MTMR10: variants seen among roughly 807,000 people sequenced by gnomAD.
MTMR10 encodes the protein myotubularin-related protein 10.
In MTMR10, 56 loss-of-function variants were observed where a neutral mutation model predicts 88.1. The ratio of observed to expected loss-of-function variants is 0.64; its 90% CI spans 0.51 to 0.79. MTMR10 has a LOEUF of 0.79. MTMR10 is among the 30% of genes least tolerant of loss of function. The pLI, the probability that MTMR10 is intolerant of heterozygous loss-of-function variation, is 0.00. For synonymous variants in MTMR10, 380 were observed against 340.9 expected (o/e 1.11, Z -1.26); for missense variants, 883 against 924.7 (o/e 0.95, Z 0.58).
intron 6 of MTMR10, among the ~76,000 whole-genome samples, chr15:30,964,802 GACCTTGGCT>G (rs1247233797): frequency 6.6e-6 from 1 of 152,164 alleles, no homozygotes; most frequent in Non-Finnish European, 1.5e-5. Flanking sequence ...ATATGCTCCT[GACCTTGGCT>G]ATCTTCTGTG....
chr15:30,965,633 G>A (rs935789025), intron 6 of MTMR10, among the ~76,000 whole-genome samples: 33 of 152,156 alleles, frequency 2.2e-4, no homozygotes, highest in African/African-American at 8.0e-4. Context: ...ATATCTCCTG[G>A]GGTGTTTGTG....
chr15:30,924,424 G>T, the MTMR10 span, among the ~76,000 whole-genome samples: 1 of 152,162 alleles, frequency 6.6e-6, no homozygotes. Context: ...TTTTCACAGT[G>T]TTTACACCAG....
the MTMR10 span, chr15:30,920,537 C>T: frequency 6.3e-7 from 1 of 1,584,150 alleles, no homozygotes; most frequent in Non-Finnish European, 8.7e-7. Context: ...TATATGTCTT[C>T]ATTTTAGATG....
Position 30,941,020 on chromosome 15 carries a change from CAG to C in MTMR10, c.*448_*449del. 2 of 1,165,796 alleles carry C rather than the reference CAG, an allele frequency of 1.7e-6. No homozygotes were observed. The highest frequency in any genetic ancestry group is 1.1e-6 in the Non-Finnish European group (1 of 932,174). 72.2% of individuals were successfully genotyped at this position (1,165,796 alleles called of 1,614,324 possible). A position where few individuals can be genotyped will look rare whatever the true frequency, so the allele number is the denominator to read the frequency against. On this transcript the variant is annotated 3_prime_UTR_variant, in exon 16 of 16. Transcript: ENST00000435680. ...ATCAGGTGAGTTCAATTAGAGACGA[CAG>C]AAAGTAACCAGAAAAATACATGAAT... is the stretch of plus-strand genomic sequence containing the variant.
intron 11 of MTMR10, among the ~76,000 whole-genome samples, chr15:30,952,809 A>G (rs1423329553): frequency 1.3e-5 from 2 of 151,322 alleles, no homozygotes; most frequent in African/African-American, 4.9e-5. Flanking sequence ...TTTTTTTTTG[A>G]GATGGAGACT....
Position 30,974,405 on chromosome 15 carries a change from T to C in MTMR10, c.383A>G (p.Lys128Arg), listed in dbSNP as rs928862092. 2.5e-6 allele frequency: 4 copies of C among 1,607,582 alleles called. No individual in the cohort carries two copies. The highest frequency in any genetic ancestry group is 3.4e-6 in the Non-Finnish European group (4 of 1,176,050). ...QKVLGPNQKLKFNPTELIIYC... is the reference protein window; with the variant it reads ...QKVLGPNQKLRFNPTELIIYC... ...AATAATTAACTCTGTTGGATTAAAT[T>C]TCAGTTTCTGGTTGGGGCCTAGGAC... The change falls in exon 5 of 16, where the codon AAA becomes AGA. Residue 128 changes from lysine (K) to arginine (R), a missense_variant. By Grantham distance (26) the Lys-to-Arg change is conservative. Around this residue, in one of 3 missense-constraint regions of MTMR10, gnomAD observed 414 missense variants for 423.2 expected, o/e 0.98. Coordinates refer to ENST00000435680, the MANE Select transcript of MTMR10 (RefSeq NM_017762.3).
chr15:30,926,467 GAC>G, the MTMR10 span: 3,139 of 232,380 alleles, frequency 0.014, 94 homozygotes, highest in African/African-American at 0.069. Flanking sequence ...TGAAAATCAG[GAC>G]ATGATTTCAG....
intron 2 of MTMR10, among the ~76,000 whole-genome samples, chr15:30,990,173 TGTGGCAACTAG>T (rs1388231837): frequency 6.6e-6 from 1 of 152,090 alleles, no homozygotes. Flanking sequence ...GGCATTTTGG[TGTGGCAACTAG>T]GTCGCAACTA....
chr15:30,967,861 A>C (rs1323520860), intron 6 of MTMR10, 59 bp downstream of exon 6: 1 of 1,386,258 alleles, frequency 7.2e-7, no homozygotes, highest in Non-Finnish European at 9.9e-7. Context: ...TCCGGTAAAC[A>C]TAAGAGTAAA....
chr15:30,943,858 G>A, intron 14 of MTMR10: 2 of 985,414 alleles, frequency 2.0e-6, no homozygotes, highest in Non-Finnish European at 2.4e-6. Flanking sequence ...TTAGCAATGT[G>A]GAGAAAGGAC....
At chr15:30,963,670 CAGATAGAT>C (rs1324638306) in intron 6 of MTMR10, among the ~76,000 whole-genome samples, 1 of 99,410 alleles carries the variant, frequency 1.0e-5, no homozygotes, top group African/African-American at 2.8e-5. Flanking sequence ...GATAGACAGA[CAGATAGAT>C]AGATAGATAG....
chr15:30,932,716 C>CTTT, the MTMR10 span, among the ~76,000 whole-genome samples: 486 of 134,334 alleles, frequency 3.6e-3, 9 homozygotes, highest in African/African-American at 7.0e-3. Flanking sequence ...TGTTTCTTTT[C>CTTT]TTTTTTTTTT....
At chr15:30,942,734 A>G in intron 15 of MTMR10, 156 bp downstream of exon 15, 1 of 737,208 alleles carries the variant, frequency 1.4e-6, no homozygotes, top group Non-Finnish European at 2.1e-6. Context: ...GAAAGCTGGG[A>G]TACAGTCATT....
intron 14 of MTMR10, 100 bp downstream of exon 14, chr15:30,947,030 A>G: frequency 7.1e-7 from 1 of 1,399,838 alleles, no homozygotes; most frequent in Non-Finnish European, 9.6e-7. Flanking sequence ...AAGAATTTTA[A>G]ATCATAAGAT....
At chr15:30,977,755 G>A (rs908621446) in intron 2 of MTMR10, among the ~76,000 whole-genome samples, 2 of 152,144 alleles carry the variant, frequency 1.3e-5, no homozygotes, top group African/African-American at 4.8e-5. Context: ...AATGTTTGCT[G>A]ACAAACTCCA....
At chr15:30,981,539 C>T (rs1041461459) in intron 2 of MTMR10, among the ~76,000 whole-genome samples, 5 of 152,216 alleles carry the variant, frequency 3.3e-5, no homozygotes, top group Non-Finnish European at 7.3e-5. Context: ...CTACAAGACA[C>T]TACCTGAATA....
intron 12 of MTMR10, chr15:30,949,388 G>C (rs927734693): frequency 2.0e-5 from 3 of 152,056 alleles, no homozygotes; most frequent in Non-Finnish European, 4.4e-5. Flanking sequence ...AAAATAAAAG[G>C]CATTCAGATC....
the MTMR10 span, among the ~76,000 whole-genome samples, chr15:30,933,794 A>G: frequency 2.6e-5 from 4 of 151,162 alleles, no homozygotes; most frequent in Admixed American, 2.0e-4. Flanking sequence ...GACTCTCACT[A>G]TCACCTAGGC....
intron 14 of MTMR10, chr15:30,943,689 C>T (rs1020353138): frequency 2.4e-5 from 24 of 985,392 alleles, no homozygotes; most frequent in Non-Finnish European, 2.8e-5. Flanking sequence ...CACCTCTAGC[C>T]CGGACTCTGG....
Sources: gnomAD v4.1 joint callset for allele counts (sites outside exome capture counted in the v4.1 genomes callset) on GRCh38, gnomAD v4.1.1 for gene constraint, gnomAD v4.1.1 regional missense constraint, MANE v1.5 for transcripts, NCBI Gene and HGNC (gene_info 2026-07-23, HGNC 2026-07-21) for gene names.